Variants in SGCZ observed in about 807,000 individuals in gnomAD.
SGCZ encodes the protein sarcoglycan zeta.
Under a neutral mutation model 41.3 loss-of-function variants are expected in SGCZ, and 40 were observed. The ratio of observed to expected loss-of-function variants is 0.97; its 90% CI spans 0.75 to 1.26. The LOEUF is 1.26. SGCZ is among the 50% of genes most tolerant of loss of function. SGCZ has a pLI of 0.00. For missense variants in SGCZ, 552 were observed against 369.8 expected (o/e 1.49, Z -4.04); for synonymous variants, 206 against 137.5 (o/e 1.50, Z -3.49).
At chr8:15,183,797 G>T (rs1800249659) in intron 1 of SGCZ, among the ~76,000 whole-genome samples, 1 of 152,126 alleles carries the variant, frequency 6.6e-6, no homozygotes. Context: ...GGGCATTATG[G>T]TAATGCTTAG....
intron 2 of SGCZ, among the ~76,000 whole-genome samples, chr8:14,462,513 A>AT (rs760141919): frequency 1.2e-4 from 18 of 151,768 alleles, no homozygotes; most frequent in Non-Finnish European, 2.5e-4. Context: ...ATTCGACCCA[A>AT]TTTTTTGACA....
intron 2 of SGCZ, among the ~76,000 whole-genome samples, chr8:14,461,922 G>T (rs1179187839): frequency 6.6e-6 from 1 of 152,014 alleles, no homozygotes; most frequent in Non-Finnish European, 1.5e-5. Flanking sequence ...TACTGTCAAA[G>T]ATGTTGTTAT....
intron 1 of SGCZ, among the ~76,000 whole-genome samples, chr8:14,947,226 G>A (rs1249642754): frequency 1.3e-5 from 2 of 152,282 alleles, no homozygotes; most frequent in South Asian, 2.1e-4. Context: ...AGACAAAAGC[G>A]AAATATCCCG....
Position 14,704,314 on chromosome 8 carries a change from C to T in SGCZ, c.40-149388G>A, listed in dbSNP as rs73527571. On this transcript the variant is annotated intron_variant, in intron 1 of 7. Coordinates refer to ENST00000382080, the MANE Select transcript of SGCZ (RefSeq NM_139167.4). ...TAACATAGCTATTTTTTATCCCCAT[C>T]TGGAAAAACCAAATCAATGTAATCA... Among the ~76,000 whole-genome samples, 373 of 152,036 alleles carry T rather than the reference C, an allele frequency of 2.5e-3. 3 individuals carry two copies. Among genetic ancestry groups the T allele is most frequent in the African/African-American group, 8.5e-3 (355 of 41,540 alleles).
At chr8:14,136,930 C>T (rs909354580) in intron 5 of SGCZ, among the ~76,000 whole-genome samples, 1 of 152,154 alleles carries the variant, frequency 6.6e-6, no homozygotes, top group Admixed American at 6.5e-5. Flanking sequence ...CAGCAGGTGC[C>T]CCTCTGAGAC....
At chr8:14,957,367 G>C (rs1209766554) in intron 1 of SGCZ, among the ~76,000 whole-genome samples, 1 of 151,878 alleles carries the variant, frequency 6.6e-6, no homozygotes, top group Non-Finnish European at 1.5e-5. Flanking sequence ...GTGTGCTTGT[G>C]GGAAATTCAT....
intron 5 of SGCZ, among the ~76,000 whole-genome samples, chr8:14,127,747 C>T (rs552003183): frequency 1.2e-3 from 180 of 152,214 alleles, no homozygotes; most frequent in African/African-American, 4.0e-3. Context: ...TGAGCCACCG[C>T]GCCTGGCCTG....
chr8:14,982,242 G>A (rs1343755762), intron 1 of SGCZ, among the ~76,000 whole-genome samples: 1 of 152,060 alleles, frequency 6.6e-6, no homozygotes, highest in Admixed American at 6.5e-5. Flanking sequence ...TAGGGCTGCT[G>A]GTTATTGTCT....
At chr8:14,447,144 T>A (rs1800455917) in intron 2 of SGCZ, among the ~76,000 whole-genome samples, 1 of 152,136 alleles carries the variant, frequency 6.6e-6, no homozygotes, top group African/African-American at 2.4e-5. Context: ...CCAAACAATT[T>A]TCAAAGCACT....
chr8:14,463,680 G>T (rs929846434), intron 2 of SGCZ, among the ~76,000 whole-genome samples: 1 of 151,578 alleles, frequency 6.6e-6, no homozygotes, highest in African/African-American at 2.4e-5. Flanking sequence ...TGTAACAAAA[G>T]GCACTATCAG....
At chr8:14,835,800 A>T (rs1802682788) in intron 1 of SGCZ, among the ~76,000 whole-genome samples, 1 of 152,272 alleles carries the variant, frequency 6.6e-6, no homozygotes, top group African/African-American at 2.4e-5. Context: ...TCAACAGGGG[A>T]TTTCTTTATG....
At chr8:14,196,800 A>C (rs2117059729) in intron 4 of SGCZ, among the ~76,000 whole-genome samples, 1 of 152,356 alleles carries the variant, frequency 6.6e-6, no homozygotes, top group East Asian at 1.9e-4. Context: ...CAAGTTAAAA[A>C]TTAAAAGAAT....
chr8:14,288,649 T>C (rs1800730080), intron 3 of SGCZ, among the ~76,000 whole-genome samples: 1 of 152,204 alleles, frequency 6.6e-6, no homozygotes, highest in Non-Finnish European at 1.5e-5. Context: ...AATACTCCAT[T>C]ATATGGATTT....
chr8:14,811,355 C>G (rs1302583600), intron 1 of SGCZ, among the ~76,000 whole-genome samples: 1 of 151,704 alleles, frequency 6.6e-6, no homozygotes, highest in Non-Finnish European at 1.5e-5. Flanking sequence ...GAATGATGAG[C>G]TGTAGTGCTT....
At chr8:14,152,418 A>G (rs886907473) in intron 5 of SGCZ, among the ~76,000 whole-genome samples, 1 of 152,182 alleles carries the variant, frequency 6.6e-6, no homozygotes, top group Admixed American at 6.5e-5. Flanking sequence ...GGTCCCAACT[A>G]TATGGGTGGA....
intron 2 of SGCZ, among the ~76,000 whole-genome samples, chr8:14,493,185 T>C (rs927873327): frequency 6.6e-6 from 1 of 151,934 alleles, no homozygotes; most frequent in African/African-American, 2.4e-5. Context: ...GAGTCCAAAA[T>C]AGTGTTCAAG....
intron 1 of SGCZ, among the ~76,000 whole-genome samples, chr8:15,034,961 AT>A (rs1803821061): frequency 6.6e-6 from 1 of 152,262 alleles, no homozygotes; most frequent in Middle Eastern, 3.4e-3. Context: ...CCTATTGGGA[AT>A]TTTTTTAAGC....
intron 1 of SGCZ, among the ~76,000 whole-genome samples, chr8:14,813,550 C>A (rs1801799573): frequency 6.6e-6 from 1 of 152,188 alleles, no homozygotes. Context: ...GTAATACACA[C>A]TTTTGGACTG....
intron 3 of SGCZ, among the ~76,000 whole-genome samples, chr8:14,299,695 T>C (rs1317755402): frequency 6.6e-6 from 1 of 151,904 alleles, no homozygotes; most frequent in Non-Finnish European, 1.5e-5. Context: ...GGGATCTCTT[T>C]ACACGCTGCT....
Sources: gnomAD v4.1 joint callset for allele counts (sites outside exome capture counted in the v4.1 genomes callset) on GRCh38, gnomAD v4.1.1 for gene constraint, MANE v1.5 for transcripts, NCBI Gene and HGNC (gene_info 2026-07-23, HGNC 2026-07-21) for gene names.